Variants in MSI2 observed in about 807,000 individuals in gnomAD.
The protein encoded by MSI2 is musashi RNA binding protein 2.
A neutral mutation model predicts 45.6 loss-of-function variants in MSI2; 17 were observed. That is an observed-to-expected ratio of 0.37 (90% confidence interval 0.26 to 0.56). MSI2 has a LOEUF of 0.56. MSI2 is among the 20% of genes least tolerant of loss of function. The pLI is 0.77. For missense variants in MSI2, 293 were observed against 444.2 expected (o/e 0.66, Z 3.06); for synonymous variants, 156 against 158.2 (o/e 0.99, Z 0.11).
intron 5 of MSI2, among the ~76,000 whole-genome samples, chr17:57,315,050 TTGAA>T (rs1490309010): frequency 6.6e-6 from 1 of 152,138 alleles, no homozygotes; most frequent in East Asian, 1.9e-4. Flanking sequence ...TTAGGAGCTT[TTGAA>T]AGCTCACCAG....
intron 8 of MSI2, among the ~76,000 whole-genome samples, chr17:57,613,984 G>C (rs1194918127): frequency 6.6e-6 from 1 of 152,192 alleles, no homozygotes; most frequent in African/African-American, 2.4e-5. Flanking sequence ...TTTGATTGAA[G>C]TATTTGGGAT....
rs114399071 is a variant in MSI2 at position 57,371,216 on chromosome 17, G to A, written c.313-30163G>A. ...CCACTCCAGCCACAAAACATGGCAA[G>A]GTTGTAATGTTTATTCCATTCAGCC... On this transcript the variant is annotated intron_variant, in intron 5 of 13. Coordinates refer to ENST00000284073, the MANE Select transcript of MSI2 (RefSeq NM_138962.4). Among the ~76,000 whole-genome samples, 1,423 of 152,248 alleles carry A rather than the reference G, an allele frequency of 9.3e-3. 20 individuals carry two copies. The highest frequency in any genetic ancestry group is 0.033 in the African/African-American group (1,354 of 41,534).
Position 57,293,112 on chromosome 17 carries a change from T to TA in MSI2, c.312+30933dup, listed in dbSNP as rs377673393. Among the ~76,000 whole-genome samples, 108 of 144,314 alleles carry TA rather than the reference T, an allele frequency of 7.5e-4. No homozygotes were observed. In the East Asian group the frequency reaches 9.9e-3, roughly 13 times the overall value. 94.7% of individuals were successfully genotyped at this position (144,314 alleles called of 152,430 possible). On this transcript the variant is annotated intron_variant, in intron 5 of 13. Coordinates refer to ENST00000284073, the MANE Select transcript of MSI2 (RefSeq NM_138962.4). ...ATTTACTGCATTGGCTCATTAAGGT[T>TA]AAAAAAAAAAAAAGTCAGTCGACTT... is the stretch of plus-strand genomic sequence containing the variant.
At chr17:57,659,666 T>C (rs1315726012) in intron 11 of MSI2, among the ~76,000 whole-genome samples, 1 of 152,074 alleles carries the variant, frequency 6.6e-6, no homozygotes, top group African/African-American at 2.4e-5. Flanking sequence ...AGAAGCCGTG[T>C]TTTTTATGAG....
At chr17:57,686,618 T>C (rs551998978), downstream of MSI2, among the ~76,000 whole-genome samples, 292 of 151,882 alleles carry the variant, frequency 1.9e-3, 1 homozygote, top group Non-Finnish European at 2.8e-3. Flanking sequence ...GAAATGTCAG[T>C]ATCAGACAGA....
At chr17:57,503,738 T>A (rs978351739) in intron 6 of MSI2, among the ~76,000 whole-genome samples, 5 of 152,134 alleles carry the variant, frequency 3.3e-5, no homozygotes, top group Non-Finnish European at 7.4e-5. Flanking sequence ...GAGAGAGTTG[T>A]TTTTGTTTGT....
the MSI2 span, among the ~76,000 whole-genome samples, chr17:57,695,162 G>T: frequency 6.6e-6 from 1 of 152,212 alleles, no homozygotes; most frequent in Non-Finnish European, 1.5e-5. Context: ...AGTTCACACA[G>T]CTAGTTAATA....
At chr17:57,337,240 C>A (rs554618102) in intron 5 of MSI2, among the ~76,000 whole-genome samples, 16 of 152,180 alleles carry the variant, frequency 1.1e-4, no homozygotes, top group Admixed American at 4.6e-4. Context: ...GGGCCCTGAC[C>A]CTGATCAGCC....
Position 57,430,630 on chromosome 17 carries a change from G to A in MSI2, c.405+29159G>A, listed in dbSNP as rs562057376. 5.9e-5 allele frequency among the ~76,000 whole-genome samples: 9 copies of A among 152,252 alleles called. No homozygotes were observed. In the South Asian group the frequency reaches 1.7e-3, roughly 28 times the overall value. ...CTCTTCACCTCTCATTTTCCCATATGAGAGACTCCGGGGCTGCACTCAACA... is the reference window on the plus strand; with the variant it reads ...CTCTTCACCTCTCATTTTCCCATATAAGAGACTCCGGGGCTGCACTCAACA... On this transcript the variant is annotated intron_variant, in intron 6 of 13. Coordinates refer to ENST00000284073, the MANE Select transcript of MSI2 (RefSeq NM_138962.4).
intron 5 of MSI2, among the ~76,000 whole-genome samples, chr17:57,365,448 A>G (rs1917120372): frequency 6.6e-6 from 1 of 152,190 alleles, no homozygotes; most frequent in Non-Finnish European, 1.5e-5. Flanking sequence ...GCCTGCGTGG[A>G]GCTCACAGGA....
intron 5 of MSI2, among the ~76,000 whole-genome samples, chr17:57,328,752 C>G (rs1414077180): frequency 6.6e-6 from 1 of 150,762 alleles, no homozygotes; most frequent in Non-Finnish European, 1.5e-5. Flanking sequence ...TTTTTTAAAC[C>G]CACTTGTTTG....
At chr17:57,491,496 T>C (rs2085871011) in intron 6 of MSI2, among the ~76,000 whole-genome samples, 1 of 152,176 alleles carries the variant, frequency 6.6e-6, no homozygotes, top group Admixed American at 6.5e-5. Context: ...TGGCTGATAA[T>C]AGAGACCTCG....
chr17:57,530,155 A>G (rs908322307), intron 7 of MSI2, among the ~76,000 whole-genome samples: 1 of 152,216 alleles, frequency 6.6e-6, no homozygotes, highest in African/African-American at 2.4e-5. Context: ...AAAACATTGT[A>G]GGTTCGTTGG....
intron 7 of MSI2, among the ~76,000 whole-genome samples, chr17:57,532,968 G>A (rs2086851469): frequency 6.6e-6 from 1 of 152,318 alleles, no homozygotes; most frequent in Admixed American, 6.5e-5. Context: ...TGAGCTGTGT[G>A]ACATTTGCTG....
intron 8 of MSI2, among the ~76,000 whole-genome samples, chr17:57,603,216 C>T (rs537463868): frequency 6.6e-6 from 1 of 152,346 alleles, no homozygotes; most frequent in African/African-American, 2.4e-5. Context: ...TCACCATGCC[C>T]TACCCCTCTG....
chr17:57,663,154 G>C (rs1337328045), intron 11 of MSI2, among the ~76,000 whole-genome samples: 1 of 150,758 alleles, frequency 6.6e-6, no homozygotes, highest in Non-Finnish European at 1.5e-5. Flanking sequence ...CTGGGGCTTT[G>C]CTCTGAGCCA....
chr17:57,646,287 G>T (rs1910652407), intron 10 of MSI2, among the ~76,000 whole-genome samples: 1 of 152,218 alleles, frequency 6.6e-6, no homozygotes, highest in Non-Finnish European at 1.5e-5. Flanking sequence ...AAAAGTAAGT[G>T]TGGTATCATA....
At chr17:57,361,074 G>C (rs374069149) in intron 5 of MSI2, among the ~76,000 whole-genome samples, 18 of 152,166 alleles carry the variant, frequency 1.2e-4, no homozygotes, top group Admixed American at 4.6e-4. Flanking sequence ...TGAACTGAGT[G>C]GGGGGTATGT....
rs527426736 is a variant in MSI2, at chr17:57,596,110, G to A, written c.455-758G>A. Among the ~76,000 whole-genome samples, 4 of 152,206 alleles carry A rather than the reference G, an allele frequency of 2.6e-5. No homozygotes were observed. The highest frequency in any genetic ancestry group is 4.4e-5 in the Non-Finnish European group (3 of 68,042). ...ACAGATGGGGCCACATGCTGGAAACGCTGTCGGAGGCGGGAGGAGAAGAAA... is the reference window on the plus strand; with the variant it reads ...ACAGATGGGGCCACATGCTGGAAACACTGTCGGAGGCGGGAGGAGAAGAAA... On this transcript the variant is annotated intron_variant, in intron 7 of 13. Transcript: ENST00000284073. This position sits in a 1 kb window ranked among gnomAD's most constrained non-coding sequence, Gnocchi z 4.6.
Sources: gnomAD v4.1 joint callset for allele counts (sites outside exome capture counted in the v4.1 genomes callset) on GRCh38, gnomAD v4.1.1 for gene constraint, Gnocchi (gnomAD v3.1) non-coding constraint, MANE v1.5 for transcripts, NCBI Gene and HGNC (gene_info 2026-07-23, HGNC 2026-07-21) for gene names.